The following ATP8A2 variants were observed in gnomAD, a reference collection of about 807,000 sequenced individuals.
The protein encoded by ATP8A2 is phospholipid-transporting ATPase IB.
Under a neutral mutation model 165.6 loss-of-function variants are expected in ATP8A2, and 100 were observed. The observed-to-expected ratio is 0.60, with a 90% CI of 0.51 to 0.71. The LOEUF (loss-of-function observed/expected upper bound fraction) is 0.71, where lower values mean the gene tolerates loss of function less well. Among genes scored for constraint, ATP8A2 ranks in the 30% least tolerant of loss-of-function variants. ATP8A2 has a pLI of 0.00. For synonymous variants in ATP8A2, 543 were observed against 548.8 expected (o/e 0.99, Z 0.15); for missense variants, 1,227 against 1,479.5 (o/e 0.83, Z 2.80).
chr13:25,982,501 A>G (rs1956190589), intron 35 of ATP8A2, among the ~76,000 whole-genome samples: 1 of 152,212 alleles, frequency 6.6e-6, no homozygotes, highest in Admixed American at 6.5e-5. Flanking sequence ...TGTACACTGG[A>G]GCATTTGAGA....
intron 15 of ATP8A2, among the ~76,000 whole-genome samples, chr13:25,563,223 G>C (rs2039212659): frequency 6.6e-6 from 1 of 152,036 alleles, no homozygotes; most frequent in African/African-American, 2.4e-5. Context: ...CAGCCTGACC[G>C]ACATGGCAAA....
intron 25 of ATP8A2, among the ~76,000 whole-genome samples, chr13:25,708,598 TA>T (rs977222099): frequency 2.0e-4 from 30 of 147,558 alleles, no homozygotes; most frequent in Admixed American, 3.4e-4. Flanking sequence ...TTAAAAACCA[TA>T]AAAAAAAAAC....
chr13:25,781,774 C>T (rs1026561475), intron 27 of ATP8A2, among the ~76,000 whole-genome samples: 1 of 152,154 alleles, frequency 6.6e-6, no homozygotes, highest in Non-Finnish European at 1.5e-5. Context: ...TTACTACAGG[C>T]GTGACCCCTT....
chr13:26,000,700 CAAAAAA>C (rs5802358), intron 35 of ATP8A2, among the ~76,000 whole-genome samples: 14 of 110,162 alleles, frequency 1.3e-4, no homozygotes, highest in Non-Finnish European at 1.8e-4. Flanking sequence ...AGTACAGAGC[CAAAAAA>C]AAAAAAAAAA....
At chr13:25,826,812 C>G (rs888713207) in intron 27 of ATP8A2, among the ~76,000 whole-genome samples, 29 of 151,386 alleles carry the variant, frequency 1.9e-4, no homozygotes, top group Non-Finnish European at 4.3e-4. Context: ...TTGCTTCCTT[C>G]TAAGTCAGGT....
intron 35 of ATP8A2, among the ~76,000 whole-genome samples, chr13:26,002,041 T>C (rs1004620158): frequency 6.6e-6 from 1 of 152,194 alleles, no homozygotes; most frequent in African/African-American, 2.4e-5. Flanking sequence ...TATAAGCCTC[T>C]GGGGTACAAA....
intron 2 of ATP8A2, among the ~76,000 whole-genome samples, chr13:25,514,516 G>A (rs1258600476): frequency 6.6e-6 from 1 of 152,160 alleles, no homozygotes; most frequent in Non-Finnish European, 1.5e-5. Context: ...GAGTGTATGA[G>A]GTTTGTGTGG....
chr13:25,445,091 A>G (rs895883974), intron 1 of ATP8A2, among the ~76,000 whole-genome samples: 1 of 152,174 alleles, frequency 6.6e-6, no homozygotes, highest in African/African-American at 2.4e-5. Context: ...TTACAAATAT[A>G]TTTTTCCAGC....
At chr13:25,573,323 C>A (rs1160110705) in intron 18 of ATP8A2, among the ~76,000 whole-genome samples, 1 of 149,302 alleles carries the variant, frequency 6.7e-6, no homozygotes, top group African/African-American at 2.5e-5. Context: ...AATGTGGAAC[C>A]TAGAGAGCCT....
intron 33 of ATP8A2, among the ~76,000 whole-genome samples, chr13:25,937,362 C>CTTTTTTTTTTTTTTTTTTTTTTTTTTTT (rs1555293658): frequency 1.5e-4 from 6 of 38,806 alleles, no homozygotes; most frequent in African/African-American, 2.7e-4. Context: ...TTCTTTCTTT[C>CTTTTTTTTTTTTTTTTTTTTTTTTTTTT]TTTTTTTTTT....
At chr13:25,605,217 A>G (rs1184421179) in intron 24 of ATP8A2, among the ~76,000 whole-genome samples, 1 of 152,174 alleles carries the variant, frequency 6.6e-6, no homozygotes, top group Admixed American at 6.5e-5. Context: ...AGTTCTTCCT[A>G]TATAAGGTAA....
intron 25 of ATP8A2, among the ~76,000 whole-genome samples, chr13:25,711,037 C>G (rs2043148210): frequency 6.6e-6 from 1 of 152,134 alleles, no homozygotes; most frequent in African/African-American, 2.4e-5. Context: ...CAGAGTCTCA[C>G]TCTGTCGCCC....
intron 27 of ATP8A2, among the ~76,000 whole-genome samples, chr13:25,785,156 T>C (rs1018395678): frequency 4.0e-5 from 6 of 151,160 alleles, no homozygotes; most frequent in African/African-American, 1.5e-4. Flanking sequence ...CCCAGCACTT[T>C]GGGAGGCTGA....
intron 34 of ATP8A2, among the ~76,000 whole-genome samples, chr13:25,964,456 C>T (rs909750710): frequency 1.3e-5 from 2 of 152,172 alleles, no homozygotes; most frequent in African/African-American, 2.4e-5. Context: ...AATTCGGAGG[C>T]TTCTCACAAA....
At chr13:25,830,934 A>G (rs962989683) in intron 28 of ATP8A2, among the ~76,000 whole-genome samples, 6 of 152,176 alleles carry the variant, frequency 3.9e-5, no homozygotes, top group African/African-American at 1.4e-4. Flanking sequence ...ATTTAATACT[A>G]TTATCTAATT....
Position 25,952,227 on chromosome 13 carries a change from C to A in ATP8A2, c.3184-9348C>A, listed in dbSNP as rs17082906. 2.5e-3 allele frequency among the ~76,000 whole-genome samples: 388 copies of A among 152,244 alleles called. 3 individuals are homozygous for A. The highest frequency in any genetic ancestry group is 8.9e-3 in the African/African-American group (370 of 41,536). The stretch of plus-strand genomic sequence containing the variant: ...TGTGGAATTAAGCTTAAAATTGACA[C>A]CAAGCTCTAGGCATTTCGTACAGGG... On this transcript the variant is annotated intron_variant, in intron 33 of 36. Transcript: ENST00000381655.
At chr13:25,531,457 T>TTATATATATGATTATATATATGATTA (rs1566230800) in intron 4 of ATP8A2, among the ~76,000 whole-genome samples, 21 of 31,454 alleles carry the variant, frequency 6.7e-4, no homozygotes, top group African/African-American at 2.4e-3. Context: ...ATATATATGA[T>TTATATATATGATTATATATATGATTA]TATATATATG....
intron 24 of ATP8A2, among the ~76,000 whole-genome samples, chr13:25,669,701 G>A (rs2042225796): frequency 6.6e-6 from 1 of 152,022 alleles, no homozygotes; most frequent in South Asian, 2.1e-4. Context: ...ATTCCCTCTA[G>A]AAACTTCCTT....
chr13:25,558,820 A>C (rs2039057902), intron 13 of ATP8A2, among the ~76,000 whole-genome samples, 153 bp from the exon 14 acceptor site: 1 of 152,218 alleles, frequency 6.6e-6, no homozygotes, highest in Admixed American at 6.5e-5. Flanking sequence ...TAAGCATTAA[A>C]ATATTAATAT....
Sources: allele counts gnomAD v4.1 joint callset (sites outside exome capture counted in the v4.1 genomes callset), GRCh38; gene constraint gnomAD v4.1.1; transcripts MANE v1.5; gene names NCBI Gene and HGNC (gene_info 2026-07-23, HGNC 2026-07-21).